Variants in PHLPP1 observed in about 807,000 individuals in gnomAD.
The protein encoded by PHLPP1 is PH domain and leucine rich repeat protein phosphatase 1.
PHLPP1 carries 42 observed loss-of-function variants against 117.2 expected under a neutral mutation model. That is an observed-to-expected ratio of 0.36 (90% confidence interval 0.28 to 0.46). The LOEUF is 0.46. PHLPP1 is among the 20% of genes least tolerant of loss of function. The pLI is 1.00. For synonymous variants in PHLPP1, 1,042 were observed against 970.7 expected (o/e 1.07, Z -1.37); for missense variants, 2,084 against 2,241.9 (o/e 0.93, Z 1.42).
intron 4 of PHLPP1, among the ~76,000 whole-genome samples, chr18:62,883,611 C>CT (rs931433392): frequency 9.2e-5 from 14 of 151,896 alleles, no homozygotes; most frequent in African/African-American, 1.7e-4. Flanking sequence ...ATTTCTGTAA[C>CT]TTTTTTTTGT....
At chr18:62,844,139 G>A (rs916142074) in intron 3 of PHLPP1, among the ~76,000 whole-genome samples, 2 of 152,078 alleles carry the variant, frequency 1.3e-5, no homozygotes, top group African/African-American at 2.4e-5. Flanking sequence ...CTGAGGTTAG[G>A]AGTTCAAGAC....
At chr18:62,813,053 G>A (rs969547863) in intron 1 of PHLPP1, among the ~76,000 whole-genome samples, 13 of 152,218 alleles carry the variant, frequency 8.5e-5, no homozygotes, top group African/African-American at 2.9e-4. Flanking sequence ...AATGTGAGAA[G>A]TAACAGATGG....
intron 1 of PHLPP1, among the ~76,000 whole-genome samples, chr18:62,737,212 A>G (rs939842849): frequency 1.3e-5 from 2 of 152,214 alleles, no homozygotes; most frequent in African/African-American, 2.4e-5. Flanking sequence ...TGAAAAGGGC[A>G]TGCCAGGTAC....
chr18:62,730,790 CA>C (rs34266723), intron 1 of PHLPP1, among the ~76,000 whole-genome samples: 3,105 of 70,592 alleles, frequency 0.044, 23 homozygotes, highest in Middle Eastern at 0.14. Flanking sequence ...AACTTTGTCT[CA>C]AAAAAAAAAA....
rs765780215 is a variant in PHLPP1 at position 62,941,698 on chromosome 18, G to T, written c.2961-20G>T. ...TTTTGTGACTTTTCAATGGCATTTT[G>T]TTGCGTTTTGTCATTGTAGCCTGAG... On this transcript the variant is annotated intron_variant, in intron 10 of 16. Transcript: ENST00000262719. 1.9e-6 allele frequency: 3 copies of T among 1,591,800 alleles called. No individual in the cohort carries two copies. The highest frequency in any genetic ancestry group is 2.6e-6 in the Non-Finnish European group (3 of 1,163,722).
intron 8 of PHLPP1, among the ~76,000 whole-genome samples, chr18:62,906,544 C>T (rs1425418367): frequency 2.3e-5 from 3 of 131,422 alleles, no homozygotes; most frequent in Non-Finnish European, 3.2e-5. Flanking sequence ...AAAGGGGTGA[C>T]GGACGCACCT....
Position 62,975,434 on chromosome 18 carries a change from G to T in PHLPP1, c.3793G>T (p.Ala1265Ser), listed in dbSNP as rs758176641. The change falls in exon 16 of 17, where the codon GCT (alanine) becomes TCT (serine). Residue 1265 changes from alanine to serine, a missense_variant. Transcript: ENST00000262719. The stretch of plus-strand genomic sequence containing the variant: ...TGCTGGGCAGAAGCTTGGTGGTGCC[G>T]CTGTCCTTTGTCATATCAAGCATGA... ...GTAGQKLGGA[A>S]VLCHIKHDPV... 1 of 1,613,696 alleles carries T rather than the reference G, an allele frequency of 6.2e-7. No homozygotes were observed. The highest frequency in any genetic ancestry group is 1.1e-5 in the South Asian group (1 of 91,064).
chr18:62,872,243 A>G (rs1349050109), intron 4 of PHLPP1, among the ~76,000 whole-genome samples: 1 of 152,246 alleles, frequency 6.6e-6, no homozygotes, highest in Non-Finnish European at 1.5e-5. Flanking sequence ...AGTCAAATAT[A>G]TGGGGAGACC....
chr18:62,921,997 T>C (rs1046560104), intron 10 of PHLPP1, among the ~76,000 whole-genome samples: 4 of 152,250 alleles, frequency 2.6e-5, no homozygotes, highest in Admixed American at 6.5e-5. Context: ...AAAGAAACAA[T>C]AGAACTATGA....
intron 1 of PHLPP1, among the ~76,000 whole-genome samples, chr18:62,768,477 T>A (rs374758833): frequency 2.6e-5 from 4 of 152,328 alleles, no homozygotes; most frequent in African/African-American, 9.6e-5. Context: ...GTTTAAAAAT[T>A]ACATTACTCT....
At chr18:62,805,751 G>A (rs1021298191) in intron 1 of PHLPP1, among the ~76,000 whole-genome samples, 1 of 151,980 alleles carries the variant, frequency 6.6e-6, no homozygotes, top group Non-Finnish European at 1.5e-5. Context: ...ATTGGTTTTT[G>A]TGGGTGTCTA....
At chr18:62,809,764 A>G (rs1049558480) in intron 1 of PHLPP1, among the ~76,000 whole-genome samples, 11 of 152,034 alleles carry the variant, frequency 7.2e-5, no homozygotes, top group Non-Finnish European at 1.5e-4. Context: ...TTGGGGCACT[A>G]TTTTTTTAAA....
At chr18:62,728,913 G>T (rs1911153067) in intron 1 of PHLPP1, among the ~76,000 whole-genome samples, 2 of 152,100 alleles carry the variant, frequency 1.3e-5, no homozygotes, top group Admixed American at 6.5e-5. Context: ...TGAGAAGGGG[G>T]TTCCATGTGT....
chr18:62,966,114 T>C (rs1320375776), intron 14 of PHLPP1, among the ~76,000 whole-genome samples: 1 of 152,102 alleles, frequency 6.6e-6, no homozygotes, highest in Non-Finnish European at 1.5e-5. Flanking sequence ...GGGCAGTTTC[T>C]CAGTCTCTCT....
chr18:62,974,165 C>T (rs1387273618), intron 15 of PHLPP1, among the ~76,000 whole-genome samples: 1 of 152,162 alleles, frequency 6.6e-6, no homozygotes, highest in Non-Finnish European at 1.5e-5. Context: ...ATACTTTTTA[C>T]AAATCACTGT....
chr18:62,745,886 C>A (rs1355910668), intron 1 of PHLPP1, among the ~76,000 whole-genome samples: 1 of 152,052 alleles, frequency 6.6e-6, no homozygotes, highest in South Asian at 2.1e-4. Flanking sequence ...ATTTGAAATC[C>A]AAATACTGTA....
At chr18:62,759,312 TAAAA>T (rs1409395293) in intron 1 of PHLPP1, among the ~76,000 whole-genome samples, 1 of 152,176 alleles carries the variant, frequency 6.6e-6, no homozygotes, top group African/African-American at 2.4e-5. Context: ...TTCCATAGCT[TAAAA>T]AAATCTCCAC....
intron 1 of PHLPP1, among the ~76,000 whole-genome samples, chr18:62,766,076 A>AAAAAAAAAAAAAAATATAT: frequency 1.8e-4 from 4 of 21,664 alleles, no homozygotes; most frequent in African/African-American, 4.5e-4. Context: ...AAAAAAAAAA[A>AAAAAAAAAAAAAAATATAT]ATATATATAT....
intron 1 of PHLPP1, among the ~76,000 whole-genome samples, chr18:62,828,008 TTG>T (rs34088259): frequency 0.46 from 67,778 of 146,394 alleles, 15,418 homozygotes; most frequent in African/African-American, 0.54. Flanking sequence ...TTCTTTGCAT[TTG>T]TGTGTGTGTG....
Sources: gnomAD v4.1 joint callset for allele counts (sites outside exome capture counted in the v4.1 genomes callset) on GRCh38, gnomAD v4.1.1 for gene constraint, MANE v1.5 for transcripts, NCBI Gene and HGNC (gene_info 2026-07-23, HGNC 2026-07-21) for gene names.